Variants in SLC2A14 observed in about 807,000 individuals in gnomAD.
SLC2A14 encodes solute carrier family 2 member 14, also known as solute carrier family 2, facilitated glucose transporter member 14.
A neutral mutation model predicts 43.0 loss-of-function variants in SLC2A14; 13 were observed. The ratio of observed to expected loss-of-function variants is 0.30; its 90% confidence interval spans 0.20 to 0.48. The LOEUF (loss-of-function observed/expected upper bound fraction) is 0.48. Ranked by LOEUF, SLC2A14 falls within the 20% of genes least tolerant of loss-of-function variation. The probability of loss-of-function intolerance (pLI) is 0.99; values close to 1 mark genes in which losing one functional copy is unlikely to be tolerated. For synonymous variants in SLC2A14, 190 were observed against 233.8 expected (o/e 0.81, Z 1.71); for missense variants, 428 against 620.4 (o/e 0.69, Z 3.29).
intron 2 of SLC2A14, among the ~76,000 whole-genome samples, chr12:7,865,870 C>T (rs1282249933): frequency 1.3e-5 from 2 of 152,000 alleles, no homozygotes. Flanking sequence ...CTATAAATAC[C>T]AAGGAAAAGT....
upstream of SLC2A14, chr12:7,873,264 C>G (rs1240382514): frequency 1.0e-5 from 10 of 985,560 alleles, no homozygotes; most frequent in African/African-American, 1.4e-4. Flanking sequence ...GAGCCCCTCA[C>G]CGCCTGCAGC....
intron 1 of SLC2A14, among the ~76,000 whole-genome samples, chr12:7,886,238 T>C (rs1358078865): frequency 1.3e-5 from 2 of 148,984 alleles, no homozygotes; most frequent in African/African-American, 4.9e-5. Context: ...CATGGCTCAC[T>C]GAAGCCTTGA....
intron 1 of SLC2A14, among the ~76,000 whole-genome samples, chr12:7,890,424 C>T (rs1378166239): frequency 1.3e-5 from 2 of 152,104 alleles, no homozygotes; most frequent in African/African-American, 4.8e-5. Context: ...CTTCCCTGCC[C>T]ATCCCTTCCC....
intron 2 of SLC2A14, chr12:7,860,909 C>T (rs1205508037): frequency 2.6e-5 from 4 of 152,382 alleles, no homozygotes; most frequent in African/African-American, 9.7e-5. Context: ...TCTCCTGCCT[C>T]AGCCTCCCGA....
chr12:7,852,722 G>A (rs2120938185), intron 2 of SLC2A14, among the ~76,000 whole-genome samples: 1 of 152,132 alleles, frequency 6.6e-6, no homozygotes, highest in East Asian at 1.9e-4. Flanking sequence ...TCCACTGGGA[G>A]CAAGTCACCA....
At chr12:7,878,982 A>AC (rs1290610489) in intron 1 of SLC2A14, among the ~76,000 whole-genome samples, 1 of 86,656 alleles carries the variant, frequency 1.2e-5, no homozygotes, top group Non-Finnish European at 2.4e-5. Context: ...GTCTCAAAAA[A>AC]AAAAAAAAAA....
intron 2 of SLC2A14, among the ~76,000 whole-genome samples, chr12:7,851,518 GA>G (rs1866937810): frequency 6.6e-6 from 1 of 152,096 alleles, no homozygotes; most frequent in South Asian, 2.1e-4. Context: ...ATGACTAGCT[GA>G]CTGAATAAAT....
chr12:7,817,939 A>G lies in SLC2A14; in HGVS notation c.1167T>C (p.Ile389=). The G allele has an allele frequency of 6.2e-7, 1 of 1,614,200 alleles. No individual in the cohort carries two copies. Among genetic ancestry groups the G allele is most frequent in the Middle Eastern group, 1.6e-4 (1 of 6,062 alleles). Residue 389 remains isoleucine, a synonymous_variant, in exon 10 of 11, where the codon ATT becomes ATC. Transcript: ENST00000431042. The stretch of plus-strand genomic sequence containing the variant: ...GGCCCTGGCTGAAGAGTTCGGCCAC[A>G]ATAAACCAGGGAATGGGGCCTGGTC... ...EIGPGPIPWF[I]VAELFSQGPR...
Position 7,848,555 on chromosome 12 carries a change from C to T in SLC2A14, c.19-15741G>A, listed in dbSNP as rs756406071. Among the ~76,000 whole-genome samples, 275 of 74,842 alleles carry T rather than the reference C, an allele frequency of 3.7e-3. 3 individuals are homozygous for T. The highest frequency in any genetic ancestry group is 0.013 in the African/African-American group (266 of 20,706). 49.1% of individuals were successfully genotyped at this position (74,842 alleles called of 152,430 possible). A position where few individuals can be genotyped will look rare whatever the true frequency, so the allele number is the denominator to read the frequency against. On this transcript the variant is annotated intron_variant, in intron 2 of 10. Transcript: ENST00000431042. ...CCACAAATTCTGCTTTTTCCAATTC[C>T]ATTTTTTTTTTTTTTTGAGACAGAG... is the stretch of plus-strand genomic sequence containing the variant.
chr12:7,854,864 G>A (rs1867225984), intron 2 of SLC2A14, among the ~76,000 whole-genome samples: 1 of 149,834 alleles, frequency 6.7e-6, no homozygotes, highest in Non-Finnish European at 1.5e-5. Context: ...AGTCTGGAGT[G>A]TAGTGGCGCG....
chr12:7,819,233 C>CA (rs960484457), intron 9 of SLC2A14, among the ~76,000 whole-genome samples: 5 of 151,676 alleles, frequency 3.3e-5, no homozygotes, highest in East Asian at 1.9e-4. Context: ...AACAAACAAA[C>CA]AAACAAAAGA....
chr12:7,881,376 C>T (rs1356728095), intron 1 of SLC2A14, among the ~76,000 whole-genome samples: 3 of 151,692 alleles, frequency 2.0e-5, no homozygotes, highest in African/African-American at 7.3e-5. Context: ...CTCGGAGCGG[C>T]CGGCCGGCCG....
chr12:7,869,322 C>T (rs188855701), intron 2 of SLC2A14, among the ~76,000 whole-genome samples: 93 of 152,186 alleles, frequency 6.1e-4, no homozygotes, highest in Admixed American at 1.1e-3. Flanking sequence ...TTAGGCATTA[C>T]GTAACTTAAC....
At chr12:7,830,140 T>A (rs1464149749) in intron 4 of SLC2A14, 134 bp from the exon 5 acceptor site, 15 of 1,155,850 alleles carry the variant, frequency 1.3e-5, no homozygotes, top group Non-Finnish European at 1.8e-5. Flanking sequence ...TCTTTTTCAC[T>A]TTCTTTTCTT....
At chr12:7,839,976 G>A in intron 2 of SLC2A14, 1 of 378,990 alleles carries the variant, frequency 2.6e-6, no homozygotes, top group South Asian at 2.0e-5. Context: ...GTGAGGCATG[G>A]TGGTTTGCAC....
chr12:7,861,027 A>C (rs1207637279), intron 2 of SLC2A14, among the ~76,000 whole-genome samples: 6 of 152,102 alleles, frequency 3.9e-5, no homozygotes, highest in Admixed American at 3.9e-4. Flanking sequence ...CCAGACCACA[A>C]GTGATCCACC....
chr12:7,847,331 T>A (rs182035859), intron 2 of SLC2A14, among the ~76,000 whole-genome samples: 1 of 152,270 alleles, frequency 6.6e-6, no homozygotes. Flanking sequence ...GTACCAATTA[T>A]GAATTTCTTT....
intron 2 of SLC2A14, among the ~76,000 whole-genome samples, chr12:7,850,028 T>A: frequency 8.2e-6 from 1 of 121,862 alleles, no homozygotes; most frequent in Non-Finnish European, 1.7e-5. Flanking sequence ...GACAAGAAAG[T>A]GCTAAAAAAA....
intron 9 of SLC2A14, 133 bp from the exon 10 acceptor site, chr12:7,818,167 G>T: frequency 2.5e-6 from 2 of 806,964 alleles, no homozygotes; most frequent in Non-Finnish European, 3.8e-6. Context: ...GAATCAAAAG[G>T]CTTGGATTTA....
Sources: allele counts gnomAD v4.1 joint callset (sites outside exome capture counted in the v4.1 genomes callset), GRCh38; gene constraint gnomAD v4.1.1; transcripts MANE v1.5; gene names NCBI Gene and HGNC (gene_info 2026-07-23, HGNC 2026-07-21).